RNLS: variants seen among roughly 807,000 people sequenced by gnomAD.
The protein encoded by RNLS is renalase, FAD dependent amine oxidase, also known as renalase.
In RNLS, 39 loss-of-function variants were observed where a neutral mutation model predicts 39.8. That is an observed-to-expected ratio of 0.98 (90% CI 0.76 to 1.28). RNLS has a LOEUF of 1.28. Among genes scored for constraint, RNLS ranks in the 50% most tolerant of loss-of-function variants. The pLI, the probability that RNLS is intolerant of heterozygous loss-of-function variation, is 0.00. For missense variants in RNLS, 410 were observed against 413.3 expected, an observed-to-expected ratio of 0.99 and a Z score of 0.07; for synonymous variants, 147 against 150.7, an observed-to-expected ratio of 0.98 and a Z score of 0.18.
intron 3 of RNLS, among the ~76,000 whole-genome samples, chr10:88,581,305 T>TATATATAC (rs1850535613): frequency 1.4e-5 from 2 of 147,808 alleles, no homozygotes; most frequent in South Asian, 4.2e-4. Flanking sequence ...TATATATATA[T>TATATATAC]ATATATATAT....
At chr10:88,343,267 C>T (rs779564631) in intron 5 of RNLS, among the ~76,000 whole-genome samples, 1 of 151,574 alleles carries the variant, frequency 6.6e-6, no homozygotes, top group Non-Finnish European at 1.5e-5. Flanking sequence ...GTGACAGTGA[C>T]GATGAAGAGA....
chr10:88,263,238 T>C, the RNLS span, among the ~76,000 whole-genome samples: 10 of 152,180 alleles, frequency 6.6e-5, no homozygotes, highest in East Asian at 1.7e-3. Context: ...TGACGAGAAT[T>C]TGAGCAGGTA....
intron 4 of RNLS, among the ~76,000 whole-genome samples, chr10:88,537,179 A>G (rs922361498): frequency 6.6e-6 from 1 of 152,184 alleles, no homozygotes; most frequent in African/African-American, 2.4e-5. Context: ...CTTTACTCAC[A>G]AGAAGAATTA....
the RNLS span, among the ~76,000 whole-genome samples, chr10:88,232,059 C>G: frequency 6.6e-6 from 1 of 152,046 alleles, no homozygotes. Context: ...GGTTCTAAGA[C>G]TTCACTTGCT....
At chr10:88,385,768 G>T (rs1202735323) in intron 4 of RNLS, among the ~76,000 whole-genome samples, 1 of 152,312 alleles carries the variant, frequency 6.6e-6, no homozygotes, top group East Asian at 1.9e-4. Flanking sequence ...TTGTCACGGT[G>T]CCCCTGCCAC....
At chr10:88,321,791 T>A (rs530820346) in intron 5 of RNLS, among the ~76,000 whole-genome samples, 1 of 151,720 alleles carries the variant, frequency 6.6e-6, no homozygotes, top group East Asian at 1.9e-4. Flanking sequence ...GCTAGAAAAT[T>A]GAATTAGTAA....
chr10:88,269,933 C>T (rs370751942), downstream of RNLS, among the ~76,000 whole-genome samples: 6 of 152,272 alleles, frequency 3.9e-5, no homozygotes, highest in Non-Finnish European at 2.9e-5. Context: ...TTATAACCTC[C>T]GCCTCCTGGG....
chr10:88,187,050 G>T, the RNLS span, among the ~76,000 whole-genome samples: 11 of 150,610 alleles, frequency 7.3e-5, no homozygotes, highest in Admixed American at 5.3e-4. Context: ...GTGTTTCTGG[G>T]ACTAGGAAAT....
chr10:88,275,072 C>G (rs377474254), intron 6 of RNLS: 1 of 1,437,308 alleles, frequency 7.0e-7, no homozygotes, highest in East Asian at 2.3e-5. Flanking sequence ...CAGTGCCACC[C>G]AACACAATGG....
At chr10:88,198,278 C>T in the RNLS span, among the ~76,000 whole-genome samples, 5 of 152,254 alleles carry the variant, frequency 3.3e-5, no homozygotes, top group East Asian at 1.9e-4. Flanking sequence ...AGCATAGGCT[C>T]GTGCATTTCA....
At chr10:88,339,703 T>A (rs148034737) in intron 5 of RNLS, among the ~76,000 whole-genome samples, 1 of 152,378 alleles carries the variant, frequency 6.6e-6, no homozygotes, top group Non-Finnish European at 1.5e-5. Flanking sequence ...TTCTAGTTTT[T>A]AATTTCATTT....
chr10:88,439,824 T>C (rs1439858823), intron 4 of RNLS, among the ~76,000 whole-genome samples: 1 of 152,216 alleles, frequency 6.6e-6, no homozygotes, highest in Non-Finnish European at 1.5e-5. Flanking sequence ...AAATTCACTG[T>C]AAGTTTCAAC....
intron 4 of RNLS, among the ~76,000 whole-genome samples, chr10:88,548,984 T>A (rs1848479280): frequency 1.3e-5 from 2 of 151,940 alleles, no homozygotes; most frequent in African/African-American, 2.4e-5. Context: ...TTATTTCACA[T>A]TTGGTGGAGT....
intron 6 of RNLS, among the ~76,000 whole-genome samples, chr10:88,303,014 A>G (rs1177424686): frequency 6.6e-6 from 1 of 152,222 alleles, no homozygotes; most frequent in Non-Finnish European, 1.5e-5. Flanking sequence ...GTACTAAAGA[A>G]GGAGAAAGCT....
chr10:88,241,320 A>T, the RNLS span, among the ~76,000 whole-genome samples: 1 of 149,964 alleles, frequency 6.7e-6, no homozygotes, highest in Non-Finnish European at 1.5e-5. Flanking sequence ...CTATTGAATT[A>T]ATTTTTTCCT....
intron 6 of RNLS, among the ~76,000 whole-genome samples, chr10:88,290,936 C>CT (rs1843629254): frequency 6.6e-6 from 1 of 152,194 alleles, no homozygotes; most frequent in South Asian, 2.1e-4. Context: ...CAGACAGCAA[C>CT]TAGACCTCAT....
chr10:88,355,706 C>T (rs955696168), intron 5 of RNLS, among the ~76,000 whole-genome samples: 1 of 152,126 alleles, frequency 6.6e-6, no homozygotes, highest in Admixed American at 6.5e-5. Context: ...ATCTCAAACT[C>T]CATTCTGGGA....
the RNLS span, among the ~76,000 whole-genome samples, chr10:88,200,923 C>T: frequency 1.3e-5 from 2 of 151,932 alleles, no homozygotes; most frequent in Admixed American, 1.3e-4. Context: ...TCCAGTGCCA[C>T]TCTTTTTCTG....
intron 4 of RNLS, among the ~76,000 whole-genome samples, chr10:88,423,274 G>C (rs556807494): frequency 6.6e-6 from 1 of 152,244 alleles, no homozygotes; most frequent in South Asian, 2.1e-4. Flanking sequence ...TTGCATATAT[G>C]CTACACGTAT....
Sources: gnomAD v4.1 joint callset for allele counts (sites outside exome capture counted in the v4.1 genomes callset) on GRCh38, gnomAD v4.1.1 for gene constraint, MANE v1.5 for transcripts, NCBI Gene and HGNC (gene_info 2026-07-23, HGNC 2026-07-21) for gene names.